Variants in TGFBR3 observed in about 807,000 individuals in gnomAD.
The protein encoded by TGFBR3 is transforming growth factor beta receptor type 3.
TGFBR3 carries 46 observed loss-of-function variants against 87.9 expected under a neutral mutation model. The ratio of observed to expected loss-of-function variants is 0.52; its 90% confidence interval spans 0.41 to 0.67. TGFBR3 has a LOEUF of 0.67. Among genes scored for constraint, TGFBR3 ranks in the 30% least tolerant of loss-of-function variants. The probability of loss-of-function intolerance (pLI) is 0.00; values close to 1 mark genes in which losing one functional copy is unlikely to be tolerated. For synonymous variants in TGFBR3, 381 were observed against 391.6 expected (o/e 0.97, Z 0.32); for missense variants, 866 against 1,041.9 (o/e 0.83, Z 2.32).
At chr1:91,861,038 A>G (rs1426126539) in intron 2 of TGFBR3, among the ~76,000 whole-genome samples, 3 of 152,022 alleles carry the variant, frequency 2.0e-5, no homozygotes, top group African/African-American at 7.2e-5. Context: ...TGTCACCTCA[A>G]TCTAGAAGAT....
intron 2 of TGFBR3, among the ~76,000 whole-genome samples, chr1:91,891,274 A>T (rs1292118060): frequency 2.0e-5 from 3 of 151,574 alleles, no homozygotes; most frequent in Admixed American, 2.0e-4. Flanking sequence ...GGCCGAGGTG[A>T]ATCACTTGAG....
chr1:91,765,001 C>T (rs890486166), intron 3 of TGFBR3, among the ~76,000 whole-genome samples: 1 of 152,158 alleles, frequency 6.6e-6, no homozygotes, highest in Non-Finnish European at 1.5e-5. Context: ...TTGAATGAGG[C>T]CCAACACAAA....
intron 7 of TGFBR3, among the ~76,000 whole-genome samples, chr1:91,723,660 T>C (rs1457098283): frequency 6.6e-6 from 1 of 151,682 alleles, no homozygotes; most frequent in Non-Finnish European, 1.5e-5. Flanking sequence ...GGCAGTGCTC[T>C]TCTCAGAGGG....
chr1:91,758,371 G>A (rs982648418), intron 4 of TGFBR3, among the ~76,000 whole-genome samples: 3 of 152,124 alleles, frequency 2.0e-5, no homozygotes, highest in African/African-American at 7.2e-5. Flanking sequence ...GACAGGTCCT[G>A]CTCTAATGTG....
At chr1:91,702,602 G>GAAATT (rs1051218862) in intron 14 of TGFBR3, among the ~76,000 whole-genome samples, 1 of 152,186 alleles carries the variant, frequency 6.6e-6, no homozygotes, top group African/African-American at 2.4e-5. Context: ...ATGTATGGAT[G>GAAATT]AAATTAAATT....
chr1:91,813,156 A>C (rs997973032), intron 2 of TGFBR3, among the ~76,000 whole-genome samples: 1 of 152,174 alleles, frequency 6.6e-6, no homozygotes, highest in Non-Finnish European at 1.5e-5. Context: ...GACTTCCTTC[A>C]TGATGCACAA....
rs1196564341 is a variant in TGFBR3 at position 91,797,267 on chromosome 1, G to T, written c.246+20C>A. On this transcript the variant is annotated intron_variant, in intron 3 of 16. Coordinates refer to ENST00000212355, the MANE Select transcript of TGFBR3 (RefSeq NM_003243.5). The stretch of plus-strand genomic sequence containing the variant: ...TGCAGACTCAGTGGCAGTGGGCTGA[G>T]AGCTGACACCTGCACCTACCTCTCT... The T allele has an allele frequency of 2.5e-6, 4 of 1,613,420 alleles. No homozygotes were observed. The highest frequency in any genetic ancestry group is 3.4e-6 in the Non-Finnish European group (4 of 1,179,820).
At chr1:91,814,766 AT>A (rs1426974772) in intron 2 of TGFBR3, among the ~76,000 whole-genome samples, 1 of 152,202 alleles carries the variant, frequency 6.6e-6, no homozygotes, top group East Asian at 1.9e-4. Flanking sequence ...TATAAAAACT[AT>A]TTCAGGGAGC....
chr1:91,698,803 A>C (rs1243358599), intron 14 of TGFBR3, among the ~76,000 whole-genome samples: 2 of 152,190 alleles, frequency 1.3e-5, no homozygotes, highest in Admixed American at 6.5e-5. Flanking sequence ...CACTGCGCCC[A>C]GCCTTCAAAA....
chr1:91,697,272 T>A (rs1038049082), intron 15 of TGFBR3, among the ~76,000 whole-genome samples: 5 of 151,952 alleles, frequency 3.3e-5, no homozygotes, highest in Admixed American at 2.0e-4. Context: ...TTCCATAATT[T>A]AAAAAAAATA....
chr1:91,706,613 C>T (rs1171328519), intron 14 of TGFBR3, among the ~76,000 whole-genome samples: 2 of 152,184 alleles, frequency 1.3e-5, no homozygotes, highest in African/African-American at 4.8e-5. Context: ...CAACAAATAA[C>T]CATAAAAATA....
intron 3 of TGFBR3, among the ~76,000 whole-genome samples, chr1:91,766,198 CTTTTTTTTTTTTT>C (rs749978314): frequency 8.7e-6 from 1 of 114,458 alleles, no homozygotes; most frequent in Non-Finnish European, 1.7e-5. Context: ...AGTTTGTTTT[CTTTTTTTTTTTTT>C]TTTTTTGTAG....
chr1:91,727,158 A>G (rs1287996353), intron 7 of TGFBR3, among the ~76,000 whole-genome samples: 1 of 152,228 alleles, frequency 6.6e-6, no homozygotes, highest in Non-Finnish European at 1.5e-5. Flanking sequence ...AAGCAAAAAG[A>G]CATGCCAATA....
intron 3 of TGFBR3, among the ~76,000 whole-genome samples, chr1:91,767,160 T>C (rs1199488055): frequency 7.5e-6 from 1 of 134,162 alleles, no homozygotes; most frequent in Non-Finnish European, 1.6e-5. Flanking sequence ...TTAAGCAGCA[T>C]CTTAAAGTTA....
In TGFBR3 at chr1:91,721,986, A is replaced by C. The variant is rs200330964; in HGVS notation, c.1044T>G (p.Ala348=). 2 of 1,613,354 alleles carry C rather than the reference A, an allele frequency of 1.2e-6. No homozygotes were observed. Among genetic ancestry groups the C allele is most frequent in the East Asian group, 4.5e-5 (2 of 44,816 alleles). Residue 348 remains alanine, a synonymous_variant, in exon 8 of 17, where the codon GCT becomes GCG. Transcript: ENST00000212355. ...TTTCAAGCCGAAGATGAAATCTATT[A>C]GCCACAGGAGCCATTGTGTATGAAG... ...PITSYTMAPV[A]NRFHLRLENN...
At chr1:91,787,759 G>T (rs904620016) in intron 3 of TGFBR3, among the ~76,000 whole-genome samples, 6 of 152,074 alleles carry the variant, frequency 3.9e-5, no homozygotes, top group African/African-American at 1.4e-4. Context: ...TGGATCACTT[G>T]AGCTCAGGAG....
intron 3 of TGFBR3, among the ~76,000 whole-genome samples, chr1:91,786,750 C>A (rs1361398302): frequency 6.9e-6 from 1 of 145,046 alleles, no homozygotes; most frequent in East Asian, 2.0e-4. Flanking sequence ...GACTGTGTCT[C>A]CAAAAAAAAA....
chr1:91,903,199 C>T (rs557768037), intron 1 of TGFBR3, among the ~76,000 whole-genome samples: 103 of 151,156 alleles, frequency 6.8e-4, no homozygotes, highest in Non-Finnish European at 9.9e-4. Context: ...ATTAGCCAGG[C>T]GTGGTAGTGT....
At chr1:91,735,960 C>T (rs948745897) in intron 4 of TGFBR3, among the ~76,000 whole-genome samples, 2 of 152,140 alleles carry the variant, frequency 1.3e-5, no homozygotes, top group Admixed American at 6.5e-5. Flanking sequence ...GAAAAGCATG[C>T]AGTTTCTGAA....
Sources: allele counts gnomAD v4.1 joint callset (sites outside exome capture counted in the v4.1 genomes callset), GRCh38; gene constraint gnomAD v4.1.1; transcripts MANE v1.5; gene names NCBI Gene and HGNC (gene_info 2026-07-23, HGNC 2026-07-21).